Variants in SLC6A11 observed in about 807,000 individuals in gnomAD.
SLC6A11 encodes the protein solute carrier family 6 member 11.
SLC6A11 carries 25 observed loss-of-function variants against 74.8 expected under a neutral mutation model. That is an observed-to-expected ratio of 0.33 (90% CI 0.24 to 0.47). SLC6A11 has a LOEUF of 0.47. Ranked by LOEUF, SLC6A11 falls within the 20% of genes least tolerant of loss-of-function variation. The pLI, the probability that SLC6A11 is intolerant of heterozygous loss-of-function variation, is 1.00. For missense variants in SLC6A11, 574 were observed against 837.0 expected, an observed-to-expected ratio of 0.69 and a Z score of 3.88; for synonymous variants, 330 against 330.2, an observed-to-expected ratio of 1.00 and a Z score of 0.01.
intron 5 of SLC6A11, among the ~76,000 whole-genome samples, chr3:10,860,617 T>C (rs933957309): frequency 6.6e-6 from 1 of 152,220 alleles, no homozygotes; most frequent in African/African-American, 2.4e-5. Context: ...TGTGCTGGGC[T>C]GGGCATGCCC....
chr3:10,886,172 A>G (rs1179996738), intron 6 of SLC6A11, among the ~76,000 whole-genome samples: 1 of 152,100 alleles, frequency 6.6e-6, no homozygotes, highest in Non-Finnish European at 1.5e-5. Flanking sequence ...GGTTTCCGTT[A>G]TTTTGTCTGC....
intron 4 of SLC6A11, among the ~76,000 whole-genome samples, chr3:10,828,821 A>G (rs1694251548): frequency 6.6e-6 from 1 of 152,150 alleles, no homozygotes. Context: ...AATAGTTCTT[A>G]TCTGAAATCC....
At chr3:10,873,175 A>T (rs961521688) in intron 5 of SLC6A11, among the ~76,000 whole-genome samples, 1 of 152,164 alleles carries the variant, frequency 6.6e-6, no homozygotes, top group Non-Finnish European at 1.5e-5. Context: ...CTCTTGTGCG[A>T]GGAAGCTCAG....
chr3:10,924,441 G>A (rs977564488), intron 8 of SLC6A11, among the ~76,000 whole-genome samples: 2 of 152,052 alleles, frequency 1.3e-5, no homozygotes, highest in African/African-American at 2.4e-5. Context: ...AACTTAGAGA[G>A]GTCAAAGGAC....
intron 6 of SLC6A11, among the ~76,000 whole-genome samples, chr3:10,910,808 G>A (rs1695375937): frequency 6.8e-6 from 1 of 148,034 alleles, no homozygotes; most frequent in Non-Finnish European, 1.5e-5. Context: ...TACCACATAG[G>A]GTTGCTGTGA....
At chr3:10,875,205 G>GAGTCCACAGGCTTT in intron 6 of SLC6A11, 110 bp downstream of exon 6, 1 of 864,606 alleles carries the variant, frequency 1.2e-6, no homozygotes, top group Non-Finnish European at 1.6e-6. Context: ...ACAGTGGAAA[G>GAGTCCACAGGCTTT]CCTGTGGACT....
chr3:10,907,611 T>C (rs1695322922), intron 6 of SLC6A11, among the ~76,000 whole-genome samples: 1 of 152,174 alleles, frequency 6.6e-6, no homozygotes. Context: ...ACAAAACCTG[T>C]TGGACATCCA....
chr3:10,863,214 T>G (rs942033362), intron 5 of SLC6A11, among the ~76,000 whole-genome samples: 6 of 152,186 alleles, frequency 3.9e-5, no homozygotes, highest in African/African-American at 1.4e-4. Context: ...AACAGCTGAC[T>G]GTATTACAAG....
At chr3:10,901,436 C>T (rs911484230) in intron 6 of SLC6A11, among the ~76,000 whole-genome samples, 19 of 152,252 alleles carry the variant, frequency 1.2e-4, no homozygotes, top group African/African-American at 2.7e-4. Flanking sequence ...GGCTCCTCAC[C>T]GCCCGCAGCG....
intron 6 of SLC6A11, among the ~76,000 whole-genome samples, chr3:10,885,565 A>G (rs940984021): frequency 1.3e-5 from 2 of 150,820 alleles, no homozygotes. Flanking sequence ...GTACTGCTAA[A>G]CATCTTACAA....
At chr3:10,823,512 G>A in intron 4 of SLC6A11, 120 bp downstream of exon 4, 2 of 691,072 alleles carry the variant, frequency 2.9e-6, no homozygotes, top group South Asian at 3.3e-5. Context: ...GCACTTCCTG[G>A]CTTCTGTGAG....
rs1027641539 is a variant in SLC6A11, at chr3:10,940,531, A to G, written c.*2129A>G. ...GAGGGCAATGTGGGGGCAGGGGAAC[A>G]TGTCATTGTGATGACTTTTTTGATA... On this transcript the variant is annotated 3_prime_UTR_variant, in exon 14 of 14. Coordinates refer to ENST00000254488, the MANE Select transcript of SLC6A11 (RefSeq NM_014229.3). 2 of 152,170 alleles carry G rather than the reference A, an allele frequency of 1.3e-5. No individual in the cohort carries two copies. Among genetic ancestry groups the G allele is most frequent in the African/African-American group, 4.8e-5 (2 of 41,436 alleles). The allele number at this position is 152,170 out of a possible 1,614,324, so 9.4% of individuals were successfully genotyped here. A position where few individuals can be genotyped will look rare whatever the true frequency, so the allele number is the denominator to read the frequency against.
chr3:10,828,079 C>G (rs1694238949), intron 4 of SLC6A11, among the ~76,000 whole-genome samples: 1 of 152,164 alleles, frequency 6.6e-6, no homozygotes, highest in South Asian at 2.1e-4. Context: ...GTCTGCAGTT[C>G]TAAATTTTGA....
At chr3:10,858,091 A>G (rs1054321453) in intron 5 of SLC6A11, among the ~76,000 whole-genome samples, 1 of 152,222 alleles carries the variant, frequency 6.6e-6, no homozygotes, top group Non-Finnish European at 1.5e-5. Flanking sequence ...ATCACCACGA[A>G]TGCAATAGCT....
intron 6 of SLC6A11, among the ~76,000 whole-genome samples, chr3:10,896,672 G>T (rs997211072): frequency 2.0e-5 from 3 of 152,168 alleles, no homozygotes; most frequent in African/African-American, 7.2e-5. Context: ...GATATCAGGG[G>T]CTTGCTCGAC....
chr3:10,835,738 T>C (rs1694358197), intron 4 of SLC6A11, among the ~76,000 whole-genome samples: 1 of 152,156 alleles, frequency 6.6e-6, no homozygotes, highest in Non-Finnish European at 1.5e-5. Context: ...CTCTGAACAA[T>C]GGTGTACAAG....
Position 10,938,271 on chromosome 3 carries a change from C to T in SLC6A11, c.1768C>T (p.Pro590Ser). 1.9e-6 allele frequency: 3 copies of T among 1,610,630 alleles called. No homozygotes were observed. The South Asian group carries it at 3.3e-5, about 18-fold the overall frequency. ...CCAGAAACTCCAGAAGTTGACGACC[C>T]CCAGCACAGATCTGAAAATGCGGGG... ...LPEKLQKLTT[P>S]STDLKMRGKL... The change falls in exon 14 of 14, where the codon CCC (proline) becomes TCC (serine). Residue 590 changes from proline (P) to serine (S), a missense_variant. Physicochemically the swap from Pro to Ser is moderately conservative, Grantham distance 74. Transcript: ENST00000254488.
intron 5 of SLC6A11, among the ~76,000 whole-genome samples, chr3:10,850,764 TTTTCCAGCAGGGATAGCACGG>T (rs1694564676): frequency 6.6e-6 from 1 of 151,744 alleles, no homozygotes; most frequent in East Asian, 1.9e-4. Flanking sequence ...CCACTACAGG[TTTTCCAGCAGGGATAGCACGG>T]TCTATTTTCA....
At chr3:10,833,456 A>G (rs141697195) in intron 4 of SLC6A11, among the ~76,000 whole-genome samples, 333 of 152,264 alleles carry the variant, frequency 2.2e-3, no homozygotes, top group African/African-American at 7.6e-3. Flanking sequence ...CCTTGCCCAG[A>G]ACACCTTCCC....
Sources: allele counts gnomAD v4.1 joint callset (sites outside exome capture counted in the v4.1 genomes callset), GRCh38; gene constraint gnomAD v4.1.1; transcripts MANE v1.5; gene names NCBI Gene and HGNC (gene_info 2026-07-23, HGNC 2026-07-21).